Variants in DOCK8 observed in about 807,000 individuals in gnomAD.
DOCK8 encodes the protein dedicator of cytokinesis protein 8.
DOCK8 carries 141 observed loss-of-function variants against 245.6 expected under a neutral mutation model. The observed-to-expected ratio is 0.57, with a 90% confidence interval of 0.50 to 0.66. DOCK8 has a LOEUF of 0.66. Ranked by LOEUF, DOCK8 falls within the 30% of genes least tolerant of loss-of-function variation. DOCK8 has a pLI of 0.00. For synonymous variants in DOCK8, 1,168 were observed against 970.2 expected, an observed-to-expected ratio of 1.20 and a Z score of -3.79; for missense variants, 2,965 against 2,603.4, an observed-to-expected ratio of 1.14 and a Z score of -3.02.
rs181475896 is a variant in DOCK8, at chr9:337,832, G to A, written c.1422+1114G>A. Among the ~76,000 whole-genome samples, 109 of 152,274 alleles carry A rather than the reference G, an allele frequency of 7.2e-4. 1 individual carries two copies. Among genetic ancestry groups the A allele is most frequent in the Middle Eastern group, 3.4e-3 (1 of 294 alleles). On this transcript the variant is annotated intron_variant, in intron 12 of 47. Coordinates refer to ENST00000432829, the MANE Select transcript of DOCK8 (RefSeq NM_203447.4). ...GTTGGTTGCACAACAAAGAGAATGT[G>A]CTTAACACTACTGAATTGTGCACTT...
chr9:457,941 A>C (rs141702257), intron 46 of DOCK8, among the ~76,000 whole-genome samples: 105 of 152,328 alleles, frequency 6.9e-4, no homozygotes, highest in African/African-American at 2.4e-3. Context: ...GAGGTTAAGT[A>C]GCTTGTTTAA....
chr9:340,110 C>T (rs2051505902), intron 13 of DOCK8, 49 bp from the exon 14 acceptor site: 1 of 1,587,806 alleles, frequency 6.3e-7, no homozygotes, highest in Non-Finnish European at 8.6e-7. Flanking sequence ...TTGATTCCCT[C>T]ATAACATGAC....
At chr9:247,866 TC>T (rs1274234089) in intron 1 of DOCK8, among the ~76,000 whole-genome samples, 1 of 152,102 alleles carries the variant, frequency 6.6e-6, no homozygotes, top group Admixed American at 6.6e-5. Context: ...AATGAATACT[TC>T]CAGACTAAAT....
Position 432,343 on chromosome 9 carries a change from C to G in DOCK8, c.4785+19C>G. The G allele has an allele frequency of 6.2e-7, 1 of 1,613,700 alleles. No individual in the cohort carries two copies. The highest frequency in any genetic ancestry group is 8.5e-7 in the Non-Finnish European group (1 of 1,179,756). Reference sequence around the variant, plus strand: ...CACCCAGGTACACCGAAGCACATACCTTGTCTCATGCATGAGTTTGGGATC... The same window carrying G: ...CACCCAGGTACACCGAAGCACATACGTTGTCTCATGCATGAGTTTGGGATC... On this transcript the variant is annotated intron_variant, in intron 37 of 47. Transcript: ENST00000432829.
chr9:396,976 GA>G (rs1237948522), intron 25 of DOCK8, 42 bp downstream of exon 25: 1 of 1,573,194 alleles, frequency 6.4e-7, no homozygotes, highest in Non-Finnish European at 8.7e-7. Context: ...TGTTTACCTG[GA>G]ACATATATTA....
intron 1 of DOCK8, among the ~76,000 whole-genome samples, chr9:266,505 A>C (rs573851): frequency 0.61 from 93,296 of 152,044 alleles, 28,792 homozygotes; most frequent in East Asian, 0.79. Context: ...CTATACCACA[A>C]GAGATGCTAA....
intron 14 of DOCK8, among the ~76,000 whole-genome samples, chr9:348,113 A>C (rs575222977): frequency 1.3e-5 from 2 of 152,218 alleles, no homozygotes; most frequent in African/African-American, 2.4e-5. Context: ...TCCTTTCATT[A>C]GTAAGTCCTG....
At chr9:335,222 G>A (rs1270994740) in intron 11 of DOCK8, among the ~76,000 whole-genome samples, 1 of 151,974 alleles carries the variant, frequency 6.6e-6, no homozygotes, top group Non-Finnish European at 1.5e-5. Flanking sequence ...TTTCTTTTTC[G>A]TCATCTCACC....
chr9:307,712 A>G (rs1350144949), intron 5 of DOCK8, among the ~76,000 whole-genome samples: 1 of 152,130 alleles, frequency 6.6e-6, no homozygotes, highest in African/African-American at 2.4e-5. Flanking sequence ...TCTCACTACT[A>G]GATATATGTC....
chr9:315,638 A>G lies in DOCK8; in HGVS notation c.742-1405A>G, dbSNP rs142796047. On this transcript the variant is annotated intron_variant, in intron 6 of 47. Coordinates refer to ENST00000432829, the MANE Select transcript of DOCK8 (RefSeq NM_203447.4). ...ATATGGTCTCTGGGAAGTTGCTTCT[A>G]TGTAATCCAGTATTGAGCGAGAAAG... 5.7e-3 allele frequency among the ~76,000 whole-genome samples: 865 copies of G among 152,316 alleles called. 8 individuals carry two copies. The highest frequency in any genetic ancestry group is 0.02 in the African/African-American group (827 of 41,574).
At chr9:381,683 C>A (rs947749917) in intron 21 of DOCK8, among the ~76,000 whole-genome samples, 1 of 152,024 alleles carries the variant, frequency 6.6e-6, no homozygotes, top group East Asian at 1.9e-4. Context: ...TGGCTGGGTG[C>A]GGTGGTTCAT....
At chr9:451,969 ATATATATATTTTTT>A (rs1564085339) in intron 45 of DOCK8, 28 bp from the exon 46 acceptor site, 1 of 397,112 alleles carries the variant, frequency 2.5e-6, no homozygotes. Flanking sequence ...ATATATATAT[ATATATATATTTTTT>A]TTTTTTTTTT....
intron 14 of DOCK8, among the ~76,000 whole-genome samples, chr9:346,965 G>C (rs2051918849): frequency 6.6e-6 from 1 of 152,144 alleles, no homozygotes; most frequent in Non-Finnish European, 1.5e-5. Flanking sequence ...AAGGAAATAG[G>C]TTCCCAGTTT....
At chr9:429,117 C>T (rs574566359) in intron 35 of DOCK8, among the ~76,000 whole-genome samples, 2 of 152,264 alleles carry the variant, frequency 1.3e-5, no homozygotes, top group East Asian at 3.9e-4. Context: ...TAGGCGTGTG[C>T]CACCGCACCC....
chr9:255,225 G>A (rs781393920), intron 1 of DOCK8, among the ~76,000 whole-genome samples: 6 of 152,156 alleles, frequency 3.9e-5, no homozygotes, highest in Non-Finnish European at 8.8e-5. Context: ...TAAACAGAAT[G>A]TCTTTAGATC....
intron 2 of DOCK8, among the ~76,000 whole-genome samples, chr9:279,782 A>C (rs1010618086): frequency 6.6e-6 from 1 of 152,232 alleles, no homozygotes; most frequent in Non-Finnish European, 1.5e-5. Flanking sequence ...AGAAACATGC[A>C]TGAGGATACA....
intron 1 of DOCK8, among the ~76,000 whole-genome samples, chr9:234,570 A>G (rs573609904): frequency 1.3e-5 from 2 of 152,130 alleles, no homozygotes; most frequent in Non-Finnish European, 2.9e-5. Flanking sequence ...ACATAGTCCC[A>G]TATTTCTTGG....
chr9:363,137 G>A (rs1283358257), intron 14 of DOCK8, among the ~76,000 whole-genome samples: 1 of 152,168 alleles, frequency 6.6e-6, no homozygotes, highest in African/African-American at 2.4e-5. Flanking sequence ...AGGGAAAATC[G>A]CTGATGATTA....
intron 4 of DOCK8, 36 bp downstream of exon 4, chr9:289,617 A>G: frequency 6.6e-7 from 1 of 1,514,910 alleles, no homozygotes; most frequent in Non-Finnish European, 9.1e-7. Flanking sequence ...GTATATAAAT[A>G]TTAATTTTAT....
Sources: gnomAD v4.1 joint callset for allele counts (sites outside exome capture counted in the v4.1 genomes callset) on GRCh38, gnomAD v4.1.1 for gene constraint, MANE v1.5 for transcripts, NCBI Gene and HGNC (gene_info 2026-07-23, HGNC 2026-07-21) for gene names.